Variants in ZNF678 observed in about 807,000 individuals in gnomAD.
The protein encoded by ZNF678 is zinc finger protein 678, also known as hypothetical protein MGC42493.
In ZNF678, 5 loss-of-function variants were observed where a neutral mutation model predicts 3.0. The ratio of observed to expected loss-of-function variants is 1.69; its 90% confidence interval spans 0.88 to 3.56. The LOEUF (loss-of-function observed/expected upper bound fraction) is 3.56. Among genes scored for constraint, ZNF678 ranks in the 30% most tolerant of loss-of-function variants. ZNF678 has a pLI of 0.00. For synonymous variants in ZNF678, 218 were observed against 199.6 expected (o/e 1.09, Z -0.78); for missense variants, 593 against 605.0 (o/e 0.98, Z 0.21).
intron 1 of ZNF678, among the ~76,000 whole-genome samples, chr1:227,588,241 A>T (rs377390573): frequency 6.6e-6 from 1 of 152,112 alleles, no homozygotes; most frequent in African/African-American, 2.4e-5. Flanking sequence ...ATTGATGGGC[A>T]TTTAGGTTGA....
At chr1:227,645,383 T>C (rs990659056) in intron 1 of ZNF678, among the ~76,000 whole-genome samples, 1 of 152,242 alleles carries the variant, frequency 6.6e-6, no homozygotes, top group Non-Finnish European at 1.5e-5. Flanking sequence ...TGTTTAAAAC[T>C]TGCAGACTTT....
chr1:227,659,288 G>A lies in ZNF678; in HGVS notation c.*3460G>A, dbSNP rs1659336480. 6.6e-6 allele frequency: 1 copy of A among 152,044 alleles called. No homozygotes were observed. The highest frequency in any genetic ancestry group is 6.6e-5 in the Admixed American group (1 of 15,256). The allele number at this position is 152,044 out of a possible 1,614,324, so 9.4% of individuals were successfully genotyped here. A position where few individuals can be genotyped will look rare whatever the true frequency, so the allele number is the denominator to read the frequency against. On this transcript the variant is annotated 3_prime_UTR_variant, in exon 4 of 4. Coordinates refer to ENST00000343776, the MANE Select transcript of ZNF678 (RefSeq NM_001367909.1). ...AAATGGATGCAGCTTACATTGCAGAGTTTATATAAATAATCACATAACAAG... is the reference window on the plus strand; with the variant it reads ...AAATGGATGCAGCTTACATTGCAGAATTTATATAAATAATCACATAACAAG...
At chr1:227,564,495 A>G (rs1003485782) in intron 1 of ZNF678, among the ~76,000 whole-genome samples, 1 of 152,206 alleles carries the variant, frequency 6.6e-6, no homozygotes, top group Admixed American at 6.5e-5. Context: ...TCCAAATAAC[A>G]TGGAAAGCAG....
chr1:227,643,640 C>T (rs1038380251), intron 1 of ZNF678, among the ~76,000 whole-genome samples: 12 of 152,062 alleles, frequency 7.9e-5, no homozygotes, highest in Non-Finnish European at 1.5e-4. Flanking sequence ...ATTTTGGTGC[C>T]TTAATTTTTA....
At chr1:227,595,020 A>T (rs66491073) in intron 1 of ZNF678, among the ~76,000 whole-genome samples, 3 of 152,058 alleles carry the variant, frequency 2.0e-5, no homozygotes, top group East Asian at 1.9e-4. Flanking sequence ...GGAAAGCCTC[A>T]GTGCTTTCGG....
chr1:227,628,894 A>T (rs527909341), intron 1 of ZNF678, among the ~76,000 whole-genome samples: 1 of 152,372 alleles, frequency 6.6e-6, no homozygotes, highest in East Asian at 1.9e-4. Context: ...CTTCAAAGGC[A>T]AACAAGAATT....
chr1:227,669,430 A>C (rs1659562013), intron 5 of ZNF678, among the ~76,000 whole-genome samples: 1 of 152,032 alleles, frequency 6.6e-6, no homozygotes, highest in African/African-American at 2.4e-5. Flanking sequence ...AGGTCAGGAG[A>C]TCAAGACCAT....
chr1:227,594,865 A>G (rs1157196455), intron 1 of ZNF678, among the ~76,000 whole-genome samples: 1 of 151,976 alleles, frequency 6.6e-6, no homozygotes, highest in Admixed American at 6.6e-5. Context: ...TCCTTAGGTT[A>G]CTTCTGAACT....
intron 1 of ZNF678, among the ~76,000 whole-genome samples, chr1:227,564,057 T>A (rs1016093652): frequency 1.3e-5 from 2 of 152,236 alleles, no homozygotes; most frequent in African/African-American, 4.8e-5. Context: ...CAGTCCATCC[T>A]TTTTCCTGTG....
At chr1:227,565,151 C>T (rs1307833312) in intron 1 of ZNF678, among the ~76,000 whole-genome samples, 1 of 146,854 alleles carries the variant, frequency 6.8e-6, no homozygotes, top group Non-Finnish European at 1.5e-5. Context: ...CTGCAGCCTC[C>T]GCCTCCTGGG....
intron 5 of ZNF678, among the ~76,000 whole-genome samples, chr1:227,676,540 A>C (rs1659682635): frequency 6.6e-6 from 1 of 152,002 alleles, no homozygotes; most frequent in Admixed American, 6.6e-5. Context: ...TTATTATTAT[A>C]CTTTAAGTTT....
chr1:227,597,632 CT>C (rs1272998154), intron 1 of ZNF678, among the ~76,000 whole-genome samples: 5 of 152,114 alleles, frequency 3.3e-5, no homozygotes, highest in Admixed American at 3.3e-4. Flanking sequence ...AATCCCAGAG[CT>C]TTTGGGGCTT....
At chr1:227,577,454 T>C (rs556454657) in intron 1 of ZNF678, among the ~76,000 whole-genome samples, 23 of 152,254 alleles carry the variant, frequency 1.5e-4, no homozygotes, top group Non-Finnish European at 2.6e-4. Flanking sequence ...GATAGTTAGA[T>C]ATTCTTATTG....
chr1:227,623,053 C>T (rs539060131), intron 1 of ZNF678, among the ~76,000 whole-genome samples: 1 of 152,388 alleles, frequency 6.6e-6, no homozygotes, highest in African/African-American at 2.4e-5. Flanking sequence ...CTATGTACTA[C>T]AGCTCTCCTG....
At chr1:227,564,700 G>A (rs189243497) in intron 1 of ZNF678, among the ~76,000 whole-genome samples, 1 of 152,120 alleles carries the variant, frequency 6.6e-6, no homozygotes, top group Non-Finnish European at 1.5e-5. Flanking sequence ...ACATTGGAGG[G>A]CACTCTTTGT....
intron 1 of ZNF678, among the ~76,000 whole-genome samples, chr1:227,575,135 G>A (rs1346482944): frequency 3.3e-5 from 5 of 152,138 alleles, no homozygotes. Context: ...ATGCTGTTTT[G>A]GTTATTGTAG....
chr1:227,637,555 A>G (rs1443373305), intron 1 of ZNF678, among the ~76,000 whole-genome samples: 1 of 152,158 alleles, frequency 6.6e-6, no homozygotes, highest in Non-Finnish European at 1.5e-5. Context: ...TAGAACACCT[A>G]ATGCAACTCC....
At chr1:227,664,053 AGTGGTT>A (rs1394080819), downstream of ZNF678, among the ~76,000 whole-genome samples, 5 of 152,214 alleles carry the variant, frequency 3.3e-5, no homozygotes, top group African/African-American at 1.2e-4. Context: ...AAGAGGCATC[AGTGGTT>A]GCCTGGTTGT....
At chr1:227,677,081 C>G (rs904213234) in intron 5 of ZNF678, 2 of 152,054 alleles carry the variant, frequency 1.3e-5, no homozygotes, top group African/African-American at 4.8e-5. Flanking sequence ...GTTCTAGATC[C>G]CTGAGGAATC....
Sources: allele counts gnomAD v4.1 joint callset (sites outside exome capture counted in the v4.1 genomes callset), GRCh38; gene constraint gnomAD v4.1.1; transcripts MANE v1.5; gene names NCBI Gene and HGNC (gene_info 2026-07-23, HGNC 2026-07-21).